FCHO2: variants seen among roughly 807,000 people sequenced by gnomAD.
FCHO2 encodes FCH and mu domain containing endocytic adaptor 2.
In FCHO2, 43 loss-of-function variants were observed where a neutral mutation model predicts 114.1. The observed-to-expected ratio is 0.38, with a 90% CI of 0.30 to 0.49. The LOEUF (loss-of-function observed/expected upper bound fraction) is 0.49. Among genes scored for constraint, FCHO2 ranks in the 20% least tolerant of loss-of-function variants. The probability of loss-of-function intolerance (pLI) is 0.97; values close to 1 mark genes in which losing one functional copy is unlikely to be tolerated. For synonymous variants in FCHO2, 293 were observed against 315.2 expected, an observed-to-expected ratio of 0.93 and a Z score of 0.75; for missense variants, 807 against 950.4, an observed-to-expected ratio of 0.85 and a Z score of 1.98.
chr5:73,019,601 G>A (rs1048066243), intron 8 of FCHO2, among the ~76,000 whole-genome samples: 1 of 152,154 alleles, frequency 6.6e-6, no homozygotes, highest in Non-Finnish European at 1.5e-5. Flanking sequence ...ATCTTTAAAT[G>A]TTTTGGACTG....
intron 23 of FCHO2, among the ~76,000 whole-genome samples, chr5:73,082,300 T>C (rs960935618): frequency 2.0e-5 from 3 of 151,548 alleles, no homozygotes; most frequent in Non-Finnish European, 4.4e-5. Flanking sequence ...AAATATTTTA[T>C]GGATTAAATA....
chr5:73,087,897 A>T, intron 25 of FCHO2, 144 bp downstream of exon 25: 1 of 1,362,728 alleles, frequency 7.3e-7, no homozygotes, highest in Non-Finnish European at 1.0e-6. Context: ...AGGTAGAGAC[A>T]CACCTGGGAG....
rs917719298 is a variant in FCHO2 at position 73,079,465 on chromosome 5, G to A, written c.1980+1153G>A. 3.9e-5 allele frequency among the ~76,000 whole-genome samples: 6 copies of A among 152,102 alleles called. No individual in the cohort carries two copies. The South Asian group carries it at 8.3e-4, about 21-fold the overall frequency. ...AGTAGCATTTCAAGGCAATGTGGAC[G>A]TGATGAATTTTTCAAAAAATGATGT... On this transcript the variant is annotated intron_variant, in intron 22 of 25. Coordinates refer to ENST00000430046, the MANE Select transcript of FCHO2 (RefSeq NM_138782.3).
Position 72,978,934 on chromosome 5 carries a change from C to T in FCHO2, c.125+10345C>T, listed in dbSNP as rs565814127. 1.9e-4 allele frequency among the ~76,000 whole-genome samples: 29 copies of T among 152,194 alleles called. No homozygotes were observed. The South Asian group carries it at 6.0e-3, about 32-fold the overall frequency. ...ATTTATTGATTTGCGTATGTTGAAC[C>T]AGCCTTGCATCCCAGGGATGAAGCT... On this transcript the variant is annotated intron_variant, in intron 2 of 25. Transcript: ENST00000430046.
intron 5 of FCHO2, among the ~76,000 whole-genome samples, chr5:72,992,110 T>C (rs2112672860): frequency 6.6e-6 from 1 of 152,220 alleles, no homozygotes; most frequent in East Asian, 1.9e-4. Context: ...TGACTATACA[T>C]GGGCAAAAAA....
chr5:73,009,981 C>T (rs1397635075), intron 6 of FCHO2, among the ~76,000 whole-genome samples: 1 of 152,208 alleles, frequency 6.6e-6, no homozygotes, highest in Non-Finnish European at 1.5e-5. Flanking sequence ...CTGTCTCACC[C>T]TCTCTTTCTG....
intron 14 of FCHO2, among the ~76,000 whole-genome samples, 163 bp downstream of exon 14, chr5:73,054,334 A>G (rs1378367590): frequency 6.6e-6 from 1 of 152,190 alleles, no homozygotes; most frequent in Non-Finnish European, 1.5e-5. Context: ...TGTTAAAACT[A>G]CATGTATTAT....
At chr5:73,028,162 A>C (rs903522616) in intron 8 of FCHO2, among the ~76,000 whole-genome samples, 3 of 152,120 alleles carry the variant, frequency 2.0e-5, no homozygotes, top group African/African-American at 7.2e-5. Context: ...GTACCACAGC[A>C]CTCCAGCCTG....
At chr5:72,996,732 G>T (rs1754128544) in intron 5 of FCHO2, among the ~76,000 whole-genome samples, 1 of 152,130 alleles carries the variant, frequency 6.6e-6, no homozygotes, top group African/African-American at 2.4e-5. Flanking sequence ...TCCCCGTTCC[G>T]CTGGGCTTTC....
chr5:73,014,914 A>G (rs969453761), intron 6 of FCHO2, among the ~76,000 whole-genome samples: 4 of 151,710 alleles, frequency 2.6e-5, no homozygotes, highest in African/African-American at 9.7e-5. Context: ...CGTCTCTACT[A>G]AAAATACAAA....
chr5:73,064,287 A>G (rs1168603900), intron 18 of FCHO2, among the ~76,000 whole-genome samples: 1 of 152,052 alleles, frequency 6.6e-6, no homozygotes, highest in Non-Finnish European at 1.5e-5. Context: ...TTGTTCTTAG[A>G]CCTTAAAAGT....
chr5:73,024,870 A>C (rs1022551289), intron 8 of FCHO2, among the ~76,000 whole-genome samples: 1 of 152,230 alleles, frequency 6.6e-6, no homozygotes, highest in Non-Finnish European at 1.5e-5. Context: ...TTCAAAAATG[A>C]TACATTTCTC....
intron 8 of FCHO2, among the ~76,000 whole-genome samples, chr5:73,026,924 T>C (rs536775935): frequency 2.2e-4 from 34 of 152,120 alleles, no homozygotes; most frequent in African/African-American, 7.9e-4. Context: ...ACTCTTGGCC[T>C]GAAGCAGTCC....
chr5:73,003,725 C>G (rs1202103354), intron 5 of FCHO2, among the ~76,000 whole-genome samples: 1 of 152,024 alleles, frequency 6.6e-6, no homozygotes, highest in Non-Finnish European at 1.5e-5. Context: ...AGGGTTACAT[C>G]ATTATGCTAG....
Position 73,088,195 on chromosome 5 carries a change from A to C in FCHO2, c.*105A>C, listed in dbSNP as rs1159822535. Reference sequence around the variant, plus strand: ...AACTTGTATGATGTCTTTCAAACTTAGACATATTTGAGAGCTGACTACAAA... The same window carrying C: ...AACTTGTATGATGTCTTTCAAACTTCGACATATTTGAGAGCTGACTACAAA... On this transcript the variant is annotated 3_prime_UTR_variant, in exon 26 of 26. Coordinates refer to ENST00000430046, the MANE Select transcript of FCHO2 (RefSeq NM_138782.3). 2.4e-5 allele frequency: 35 copies of C among 1,479,758 alleles called. No individual in the cohort carries two copies. Among genetic ancestry groups the C allele is most frequent in the Non-Finnish European group, 3.2e-5 (35 of 1,078,260 alleles). 91.7% of individuals were successfully genotyped at this position (1,479,758 alleles called of 1,614,324 possible).
At chr5:72,968,082 G>A (rs1220422956) in intron 1 of FCHO2, among the ~76,000 whole-genome samples, 1 of 151,272 alleles carries the variant, frequency 6.6e-6, no homozygotes, top group Admixed American at 6.6e-5. Context: ...CCACCACCAC[G>A]CCCGGCTAAT....
At position 72,989,519 on chromosome 5, in the gene FCHO2, T is replaced by A; in HGVS notation, c.200+18T>A. The stretch of plus-strand genomic sequence containing the variant: ...CAACTTGGGTGAGTTAATTTCTTCC[T>A]CTTTTTCAGTGTTTATTTAGGCAAA... On this transcript the variant is annotated intron_variant, in intron 3 of 25. Coordinates refer to ENST00000430046, the MANE Select transcript of FCHO2 (RefSeq NM_138782.3). 3 of 1,581,600 alleles carry A rather than the reference T, an allele frequency of 1.9e-6. No individual in the cohort carries two copies. Among genetic ancestry groups the A allele is most frequent in the Non-Finnish European group, 2.6e-6 (3 of 1,161,766 alleles).
intron 5 of FCHO2, among the ~76,000 whole-genome samples, chr5:73,004,047 C>CA (rs34849736): frequency 0.1 from 2,674 of 26,164 alleles, 199 homozygotes; most frequent in Middle Eastern, 0.19. Flanking sequence ...GACTCCATCT[C>CA]AAAAAAAAAA....
chr5:73,058,396 C>T, intron 16 of FCHO2, 37 bp from the exon 17 acceptor site: 1 of 1,393,108 alleles, frequency 7.2e-7, no homozygotes, highest in Non-Finnish European at 9.7e-7. Context: ...ATAAAATATT[C>T]TCGTTAAAAT....
Sources: allele counts gnomAD v4.1 joint callset (sites outside exome capture counted in the v4.1 genomes callset), GRCh38; gene constraint gnomAD v4.1.1; transcripts MANE v1.5; gene names NCBI Gene and HGNC (gene_info 2026-07-23, HGNC 2026-07-21).